The following UIMC1 variants were observed in gnomAD, a reference collection of about 807,000 sequenced individuals.
The protein encoded by UIMC1 is BRCA1-A complex subunit RAP80.
In UIMC1, 42 loss-of-function variants were observed where a neutral mutation model predicts 84.9. That is an observed-to-expected ratio of 0.49 (90% CI 0.39 to 0.64). UIMC1 has a LOEUF of 0.64. UIMC1 is among the 30% of genes least tolerant of loss of function. The pLI is 0.00. For missense variants in UIMC1, 825 were observed against 847.6 expected (o/e 0.97, Z 0.33); for synonymous variants, 281 against 293.0 (o/e 0.96, Z 0.42).
chr5:176,941,347 A>G (rs1379849975), intron 10 of UIMC1, among the ~76,000 whole-genome samples: 1 of 152,228 alleles, frequency 6.6e-6, no homozygotes, highest in Non-Finnish European at 1.5e-5. Context: ...AGAATAATAT[A>G]TAGAGAGAGC....
At chr5:176,978,567 CA>C (rs907092588) in intron 2 of UIMC1, among the ~76,000 whole-genome samples, 1 of 151,204 alleles carries the variant, frequency 6.6e-6, no homozygotes, top group Admixed American at 6.6e-5. Flanking sequence ...TAGCGCCCCC[CA>C]AAAAAAACTT....
intron 10 of UIMC1, among the ~76,000 whole-genome samples, chr5:176,914,166 T>C (rs1272330541): frequency 6.6e-6 from 1 of 152,128 alleles, no homozygotes; most frequent in Non-Finnish European, 1.5e-5. Context: ...TATTTTTTTT[T>C]TCTCCCCTTA....
intron 4 of UIMC1, 186 bp downstream of exon 4, chr5:176,970,556 A>G (rs1769055396): frequency 3.4e-6 from 3 of 873,698 alleles, no homozygotes; most frequent in South Asian, 3.1e-5. Flanking sequence ...ATATAGAATT[A>G]ACAAAATACT....
At chr5:176,905,763 G>C in intron 14 of UIMC1, 1 of 620,284 alleles carries the variant, frequency 1.6e-6, no homozygotes, top group Non-Finnish European at 2.8e-6. Flanking sequence ...GGGTTGGATG[G>C]GGATAGAGAG....
chr5:177,003,882 G>C (rs901255844), intron 1 of UIMC1, among the ~76,000 whole-genome samples: 2 of 152,154 alleles, frequency 1.3e-5, no homozygotes. Context: ...GTGATGGAGT[G>C]CAGTGGCATG....
intron 2 of UIMC1, among the ~76,000 whole-genome samples, chr5:176,977,240 AAGAG>A (rs1180802848): frequency 4.6e-5 from 7 of 151,218 alleles, no homozygotes; most frequent in African/African-American, 7.3e-5. Flanking sequence ...AAAAAAAAAA[AAGAG>A]AGAGAGAGAA....
chr5:177,021,882 C>T (rs1039291363), intron 1 of UIMC1, among the ~76,000 whole-genome samples: 49 of 152,200 alleles, frequency 3.2e-4, no homozygotes, highest in African/African-American at 1.1e-3. Context: ...AACTCCGGAC[C>T]TCAGGTGATC....
At chr5:177,010,886 G>A (rs1775533995), upstream of UIMC1, among the ~76,000 whole-genome samples, 1 of 152,024 alleles carries the variant, frequency 6.6e-6, no homozygotes, top group African/African-American at 2.4e-5. Context: ...GTAATGCTCT[G>A]ATTTTATTTT....
At chr5:176,963,502 C>CA (rs1290947949) in intron 6 of UIMC1, among the ~76,000 whole-genome samples, 2 of 143,234 alleles carry the variant, frequency 1.4e-5, no homozygotes, top group Admixed American at 1.4e-4. Flanking sequence ...GCCTGGGTGA[C>CA]AGAGTGAAAC....
Position 176,968,783 on chromosome 5 carries a change from C to T in UIMC1, c.972G>A (p.Val324=). 6.2e-7 allele frequency: 1 copy of T among 1,614,172 alleles called. No homozygotes were observed. Among genetic ancestry groups the T allele is most frequent in the South Asian group, 1.1e-5 (1 of 91,088 alleles). ...GGATCAGAGAAGGAGGTCTAGGTAA[C>T]ACTGGTTCCCCAAAACCTTTTTTAT... is the stretch of plus-strand genomic sequence containing the variant. The part of the protein sequence containing the change: ...LLNKKGFGEP[V]LPRPPSLIQN... Residue 324 remains valine (V), a synonymous_variant, in exon 6 of 15, where the codon GTG becomes GTA. Transcript: ENST00000511320.
chr5:176,959,860 C>T lies in UIMC1; in HGVS notation c.1201-1706G>A, dbSNP rs965189294. ...CAGCCTGACCAACATGGAGAAATCC[C>T]GTCTCTACTAAAAATACAAAATTAG... On this transcript the variant is annotated intron_variant, in intron 6 of 14. Transcript: ENST00000511320. 3.8e-4 allele frequency among the ~76,000 whole-genome samples: 58 copies of T among 151,866 alleles called. 1 individual carries two copies. The highest frequency in any genetic ancestry group is 7.4e-5 in the Non-Finnish European group (5 of 67,984).
intron 10 of UIMC1, among the ~76,000 whole-genome samples, chr5:176,912,474 G>GGTT (rs1760348202): frequency 7.7e-6 from 1 of 130,146 alleles, no homozygotes; most frequent in African/African-American, 3.0e-5. Flanking sequence ...ACTGTTTTTT[G>GGTT]TTTTTTTTTT....
At chr5:177,006,379 G>A (rs1032514132) in intron 1 of UIMC1, 30 of 152,394 alleles carry the variant, frequency 2.0e-4, no homozygotes, top group African/African-American at 7.2e-4. Context: ...CCCCGGAATC[G>A]GGAGGGTCCC....
At chr5:176,925,835 G>A (rs913691682) in intron 10 of UIMC1, among the ~76,000 whole-genome samples, 1 of 152,094 alleles carries the variant, frequency 6.6e-6, no homozygotes, top group African/African-American at 2.4e-5. Flanking sequence ...ATAGGTATAC[G>A]CATATGCCCA....
intron 10 of UIMC1, among the ~76,000 whole-genome samples, chr5:176,934,470 C>T (rs1280230509): frequency 6.6e-6 from 1 of 152,156 alleles, no homozygotes; most frequent in Non-Finnish European, 1.5e-5. Context: ...TATCTTGAAA[C>T]CGTGAATCAA....
chr5:176,907,008 C>G (rs2149384779), intron 13 of UIMC1, 106 bp downstream of exon 13: 1 of 1,164,926 alleles, frequency 8.6e-7, no homozygotes, highest in East Asian at 2.5e-5. Context: ...GACTGGATCA[C>G]GTGTGTACCC....
intron 9 of UIMC1, among the ~76,000 whole-genome samples, chr5:176,949,615 A>C (rs1765587071): frequency 6.6e-6 from 1 of 152,116 alleles, no homozygotes; most frequent in Admixed American, 6.6e-5. Context: ...CTTTCCTACC[A>C]CCACTGGCAT....
chr5:176,968,713 A>C lies in UIMC1; in HGVS notation c.1042T>G (p.Cys348Gly), dbSNP rs373094494. 2.5e-6 allele frequency: 4 copies of C among 1,614,034 alleles called. No individual in the cohort carries two copies. The African/African-American group carries it at 5.3e-5, about 22-fold the overall frequency. Residue 348 changes from cysteine (C) to glycine (G), a missense_variant, in exon 6 of 15, where the codon TGC becomes GGC. By Grantham distance (159) the Cys-to-Gly change is radical (BLOSUM62 -3). Transcript: ENST00000511320. ...QGEQASEKNE[C>G]ISEDMGDEDK... ...TCATCTCCCATATCTTCTGAGATGC[A>C]TTCATTTTTCTCACTAGCCTGCTCT...
At position 177,000,230 on chromosome 5, in the gene UIMC1, C is replaced by T. The variant is rs553570563; in HGVS notation, c.-9+6420G>A. Among the ~76,000 whole-genome samples, 311 of 151,936 alleles carry T rather than the reference C, an allele frequency of 2.0e-3. 3 individuals are homozygous for T. Among genetic ancestry groups the T allele is most frequent in the Middle Eastern group, 0.01 (3 of 294 alleles). On this transcript the variant is annotated intron_variant, in intron 1 of 14. Transcript: ENST00000511320. ...CGGCCTCCCAAAGTGCTGGGATTAC[C>T]GGCATAAGCCACCGCGCCCGGCATA... is the stretch of plus-strand genomic sequence containing the variant.
Sources: gnomAD v4.1 joint callset for allele counts (sites outside exome capture counted in the v4.1 genomes callset) on GRCh38, gnomAD v4.1.1 for gene constraint, MANE v1.5 for transcripts, NCBI Gene and HGNC (gene_info 2026-07-23, HGNC 2026-07-21) for gene names.